TULP4: variants seen among roughly 807,000 people sequenced by gnomAD.
The protein encoded by TULP4 is TUB like protein 4.
A neutral mutation model predicts 129.0 loss-of-function variants in TULP4; 16 were observed. That is an observed-to-expected ratio of 0.12 (90% CI 0.08 to 0.19). The LOEUF is 0.19. TULP4 is among the 10% of genes least tolerant of loss of function. The pLI is 1.00. For missense variants in TULP4, 1,842 were observed against 2,059.1 expected, an observed-to-expected ratio of 0.89 and a Z score of 2.04; for synonymous variants, 998 against 854.0, an observed-to-expected ratio of 1.17 and a Z score of -2.94.
intron 6 of TULP4, among the ~76,000 whole-genome samples, chr6:158,464,873 C>CA (rs1779520008): frequency 1.3e-5 from 2 of 152,218 alleles, no homozygotes. Flanking sequence ...AATTTCCCAA[C>CA]AAGAGATGGT....
chr6:158,481,177 C>T lies in TULP4; in HGVS notation c.1374C>T (p.Tyr458=), dbSNP rs2128250689. 1 of 1,614,240 alleles carries T rather than the reference C, an allele frequency of 6.2e-7. No individual in the cohort carries two copies. The highest frequency in any genetic ancestry group is 2.2e-5 in the East Asian group (1 of 44,888). The part of the protein sequence containing the change: ...EDDPEVGGPC[Y]TLYLEYLGGL... The stretch of plus-strand genomic sequence containing the variant: ...ACCCGGAGGTGGGCGGCCCGTGCTA[C>T]ACGCTCTACCTGGAGTACCTGGGCG... Residue 458 remains tyrosine (Y), a synonymous_variant, in exon 8 of 14, where the codon TAC becomes TAT. Transcript: ENST00000367097.
chr6:158,239,351 G>A (rs1392459933), intron 1 of TULP4, among the ~76,000 whole-genome samples: 2 of 61,482 alleles, frequency 3.3e-5, no homozygotes, highest in Admixed American at 1.7e-4. Flanking sequence ...GCGGCTGGCC[G>A]GGCAGGGGGG....
intron 9 of TULP4, among the ~76,000 whole-genome samples, chr6:158,490,120 G>A (rs946093292): frequency 1.3e-5 from 2 of 152,212 alleles, no homozygotes; most frequent in Admixed American, 6.5e-5. Flanking sequence ...TGCTGGAGCC[G>A]GGCACAGTGG....
intron 1 of TULP4, among the ~76,000 whole-genome samples, chr6:158,257,028 T>G (rs144700939): frequency 1.8e-3 from 278 of 152,258 alleles, no homozygotes; most frequent in African/African-American, 6.2e-3. Flanking sequence ...GAGGAACTGT[T>G]CCATTTATGT....
intron 2 of TULP4, among the ~76,000 whole-genome samples, chr6:158,427,319 G>A (rs1431853636): frequency 1.3e-5 from 2 of 152,016 alleles, no homozygotes; most frequent in African/African-American, 4.8e-5. Flanking sequence ...GACTAGGGTT[G>A]GGGATTGACT....
intron 1 of TULP4, among the ~76,000 whole-genome samples, chr6:158,233,207 T>C (rs893261516): frequency 4.6e-5 from 7 of 152,202 alleles, no homozygotes; most frequent in Non-Finnish European, 8.8e-5. Flanking sequence ...GAACTGCCCT[T>C]GTCATCAGAA....
intron 6 of TULP4, among the ~76,000 whole-genome samples, chr6:158,475,491 A>G (rs1779797636): frequency 6.6e-6 from 1 of 152,274 alleles, no homozygotes; most frequent in Admixed American, 6.5e-5. Context: ...GATTTGAGAA[A>G]GAGATTAAGA....
chr6:158,283,530 G>T (rs945112528), intron 1 of TULP4, among the ~76,000 whole-genome samples: 1 of 152,146 alleles, frequency 6.6e-6, no homozygotes, highest in Non-Finnish European at 1.5e-5. Context: ...GGGGTTTCCT[G>T]TGTGCTGTTT....
At chr6:158,323,653 C>T (rs1208657960) in intron 1 of TULP4, among the ~76,000 whole-genome samples, 1 of 152,212 alleles carries the variant, frequency 6.6e-6, no homozygotes, top group Non-Finnish European at 1.5e-5. Flanking sequence ...GAGAAAAGCC[C>T]TCCTTGGGAT....
At chr6:158,405,654 G>T (rs1383218011) in intron 1 of TULP4, among the ~76,000 whole-genome samples, 1 of 152,146 alleles carries the variant, frequency 6.6e-6, no homozygotes, top group African/African-American at 2.4e-5. Flanking sequence ...ACGAGCCCTG[G>T]ATTCTATCCA....
intron 1 of TULP4, among the ~76,000 whole-genome samples, chr6:158,240,642 T>C (rs1349448685): frequency 4.0e-5 from 3 of 74,658 alleles, no homozygotes; most frequent in East Asian, 5.6e-4. Context: ...GCTGGCCGGG[T>C]GGAGGCTGAC....
In TULP4 at chr6:158,489,624, T is replaced by C. The variant is rs1425089347; in HGVS notation, c.1523T>C (p.Ile508Thr). The change falls in exon 9 of 14, where the codon ATC becomes ACC. Residue 508 changes from isoleucine (I) to threonine (T), a missense_variant. Ile to Thr is a moderately conservative substitution (Grantham distance 89). Coordinates refer to ENST00000367097, the MANE Select transcript of TULP4 (RefSeq NM_020245.5). ...GGGAACAGCTTGATTTCTACTGTGATCGACAGCTGCAACTGCTCAGACTCC... is the reference window on the plus strand; with the variant it reads ...GGGAACAGCTTGATTTCTACTGTGACCGACAGCTGCAACTGCTCAGACTCC... ...IYGNSLISTV[I>T]DSCNCSDSSD... 2 of 1,614,230 alleles carry C rather than the reference T, an allele frequency of 1.2e-6. No individual in the cohort carries two copies. Among genetic ancestry groups the C allele is most frequent in the Non-Finnish European group, 8.5e-7 (1 of 1,180,048 alleles).
chr6:158,419,080 A>AT (rs1288545802), intron 2 of TULP4, among the ~76,000 whole-genome samples: 1 of 152,244 alleles, frequency 6.6e-6, no homozygotes, highest in Non-Finnish European at 1.5e-5. Flanking sequence ...ACCAGACAGT[A>AT]TAATTGGTTG....
At chr6:158,486,369 A>T (rs1037598458) in intron 8 of TULP4, among the ~76,000 whole-genome samples, 1 of 152,114 alleles carries the variant, frequency 6.6e-6, no homozygotes, top group Non-Finnish European at 1.5e-5. Flanking sequence ...CTGGCTAACA[A>T]GGTGAAACCC....
chr6:158,328,911 C>G (rs902369514), intron 1 of TULP4, among the ~76,000 whole-genome samples: 1 of 152,108 alleles, frequency 6.6e-6, no homozygotes, highest in Non-Finnish European at 1.5e-5. Context: ...ATCCTTAGTG[C>G]ACTGGGCAGT....
At chr6:158,250,455 G>A (rs1387792944) in intron 1 of TULP4, among the ~76,000 whole-genome samples, 1 of 152,090 alleles carries the variant, frequency 6.6e-6, no homozygotes, top group Non-Finnish European at 1.5e-5. Context: ...TATACCTGGC[G>A]CCAAAATGCT....
chr6:158,234,532 A>T (rs1583659818), intron 1 of TULP4, among the ~76,000 whole-genome samples: 1 of 152,198 alleles, frequency 6.6e-6, no homozygotes, highest in African/African-American at 2.4e-5. Context: ...CATCTGTTCT[A>T]CTCATTTGCA....
At chr6:158,478,993 A>G (rs988293315) in intron 6 of TULP4, among the ~76,000 whole-genome samples, 2 of 152,118 alleles carry the variant, frequency 1.3e-5, no homozygotes, top group Non-Finnish European at 2.9e-5. Flanking sequence ...ACTGTGGGTT[A>G]TATACTGTGA....
chr6:158,425,200 T>C (rs1203588083), intron 2 of TULP4, among the ~76,000 whole-genome samples: 9 of 118,824 alleles, frequency 7.6e-5, no homozygotes, highest in Non-Finnish European at 6.9e-5. Flanking sequence ...ATACACCTAC[T>C]AGAATAGTTA....
Sources: allele counts gnomAD v4.1 joint callset (sites outside exome capture counted in the v4.1 genomes callset), GRCh38; gene constraint gnomAD v4.1.1; transcripts MANE v1.5; gene names NCBI Gene and HGNC (gene_info 2026-07-23, HGNC 2026-07-21).